Variants in TRAPPC13 observed in about 807,000 individuals in gnomAD.
The protein encoded by TRAPPC13 is trafficking protein particle complex subunit 13.
In TRAPPC13, 39 loss-of-function variants were observed where a neutral mutation model predicts 54.0. The ratio of observed to expected loss-of-function variants is 0.72; its 90% CI spans 0.56 to 0.94. The LOEUF (loss-of-function observed/expected upper bound fraction) is 0.94, where lower values mean the gene tolerates loss of function less well. Among genes scored for constraint, TRAPPC13 ranks in the 40% least tolerant of loss-of-function variants. TRAPPC13 has a pLI of 0.00. For synonymous variants in TRAPPC13, 148 were observed against 167.7 expected, an observed-to-expected ratio of 0.88 and a Z score of 0.91; for missense variants, 386 against 488.1, an observed-to-expected ratio of 0.79 and a Z score of 1.97.
At chr5:65,639,361 T>C (rs1394967178) in intron 4 of TRAPPC13, among the ~76,000 whole-genome samples, 1 of 149,208 alleles carries the variant, frequency 6.7e-6, no homozygotes, top group Admixed American at 6.6e-5. Flanking sequence ...AAAAATTAAT[T>C]AAGAAAAAAA....
At chr5:65,645,198 CAA>C (rs71610504) in intron 4 of TRAPPC13, among the ~76,000 whole-genome samples, 18 of 108,740 alleles carry the variant, frequency 1.7e-4, no homozygotes, top group Non-Finnish European at 1.1e-4. Flanking sequence ...AACTCTGTCT[CAA>C]AAAAAAAAAA....
chr5:65,637,120 A>G (rs1301595879), intron 3 of TRAPPC13, among the ~76,000 whole-genome samples: 2 of 152,228 alleles, frequency 1.3e-5, no homozygotes, highest in African/African-American at 2.4e-5. Flanking sequence ...TCTAATTTCA[A>G]TGAGTCTTAT....
In TRAPPC13 at chr5:65,660,740, A is replaced by G. The variant is rs1299581284; in HGVS notation, c.740A>G (p.Asp247Gly). The change falls in exon 10 of 13, where the codon GAT becomes GGT. Residue 247 changes from aspartate (D) to glycine (G), a missense_variant. Transcript: ENST00000399438. ...TCAAGAGCATATTTGCAACCAATGGATACACGCCAGTACTTATACTGCCTA... is the reference window on the plus strand; with the variant it reads ...TCAAGAGCATATTTGCAACCAATGGGTACACGCCAGTACTTATACTGCCTA... ...FGSRAYLQPM[D>G]TRQYLYCLKP... 4 of 1,612,674 alleles carry G rather than the reference A, an allele frequency of 2.5e-6. No homozygotes were observed. Among genetic ancestry groups the G allele is most frequent in the Non-Finnish European group, 3.4e-6 (4 of 1,179,268 alleles).
At chr5:65,646,921 A>G (rs1756232466) in intron 4 of TRAPPC13, 134 bp from the exon 5 acceptor site, 4 of 836,016 alleles carry the variant, frequency 4.8e-6, no homozygotes, top group East Asian at 2.7e-5. Flanking sequence ...AGGTTTACAC[A>G]TAAAAGTGTT....
intron 11 of TRAPPC13, chr5:65,663,666 GTTTT>G (rs1487698476): frequency 6.6e-6 from 1 of 152,104 alleles, no homozygotes; most frequent in Admixed American, 6.6e-5. Context: ...TTCATTAAAA[GTTTT>G]TTTAACTTAT....
chr5:65,655,745 GA>G (rs915818950), intron 8 of TRAPPC13, 92 bp downstream of exon 8: 1 of 427,008 alleles, frequency 2.3e-6, no homozygotes, highest in South Asian at 9.0e-5. Flanking sequence ...AAACATAGTG[GA>G]AAAACAGTTA....
intron 4 of TRAPPC13, among the ~76,000 whole-genome samples, chr5:65,640,388 G>C (rs1755919752): frequency 6.6e-6 from 1 of 152,060 alleles, no homozygotes; most frequent in Non-Finnish European, 1.5e-5. Flanking sequence ...AAACAAAAAA[G>C]AAATTCAAAT....
chr5:65,629,440 C>G, intron 1 of TRAPPC13: 1 of 1,394,770 alleles, frequency 7.2e-7, no homozygotes, highest in Middle Eastern at 2.5e-4. Context: ...CCTACCATAT[C>G]TTATTCTTTG....
At chr5:65,640,409 T>A (rs152070) in intron 4 of TRAPPC13, among the ~76,000 whole-genome samples, 90,537 of 151,950 alleles carry the variant, frequency 0.6, 27,340 homozygotes, top group South Asian at 0.64. Flanking sequence ...GTCAGTGTCC[T>A]TAAATAAAGC....
rs1304247724 is a variant in TRAPPC13, at chr5:65,655,242, C to T, written c.547-394C>T. Among the ~76,000 whole-genome samples, 8 of 152,070 alleles carry T rather than the reference C, an allele frequency of 5.3e-5. No homozygotes were observed. In the South Asian group the frequency reaches 6.2e-4, roughly 12 times the overall value. On this transcript the variant is annotated intron_variant, in intron 7 of 12. Transcript: ENST00000399438. ...TTACATAAATTTAAGAGAAGGTATA[C>T]GGTGTATATCTATTCTGAATGTGGA...
At chr5:65,648,394 GC>G (rs1756290803) in intron 5 of TRAPPC13, among the ~76,000 whole-genome samples, 1 of 151,154 alleles carries the variant, frequency 6.6e-6, no homozygotes, top group African/African-American at 2.4e-5. Context: ...CTTATTGAGT[GC>G]CTGTCCCTGC....
At chr5:65,631,031 G>GCTCACT (rs1315177399) in intron 1 of TRAPPC13, 2 of 152,140 alleles carry the variant, frequency 1.3e-5, no homozygotes, top group Non-Finnish European at 2.9e-5. Context: ...TCATAAAAAT[G>GCTCACT]CTCAAAGGGA....
At chr5:65,660,189 T>G (rs912698072) in intron 9 of TRAPPC13, among the ~76,000 whole-genome samples, 4 of 152,010 alleles carry the variant, frequency 2.6e-5, no homozygotes, top group Non-Finnish European at 5.9e-5. Context: ...GAATGGTATG[T>G]CTCTTATTAT....
intron 10 of TRAPPC13, chr5:65,661,813 T>G: frequency 2.7e-6 from 1 of 369,150 alleles, no homozygotes; most frequent in South Asian, 6.5e-5. Flanking sequence ...ATCTTAACTC[T>G]ACTGAACATG....
At chr5:65,641,646 G>A (rs1755967621) in intron 4 of TRAPPC13, among the ~76,000 whole-genome samples, 1 of 151,558 alleles carries the variant, frequency 6.6e-6, no homozygotes, top group Non-Finnish European at 1.5e-5. Context: ...ATGAATTCGA[G>A]GCTGCAGTGA....
intron 4 of TRAPPC13, among the ~76,000 whole-genome samples, chr5:65,638,832 C>T (rs1755861244): frequency 6.6e-6 from 1 of 152,170 alleles, no homozygotes. Flanking sequence ...GCCTGTAATC[C>T]TAGCACTTTG....
chr5:65,652,020 C>G (rs759805122), intron 6 of TRAPPC13, among the ~76,000 whole-genome samples: 3 of 151,806 alleles, frequency 2.0e-5, no homozygotes, highest in African/African-American at 7.3e-5. Context: ...CCCGCCACCA[C>G]GCCCAGTTAA....
chr5:65,655,678 T>G (rs183178145), intron 8 of TRAPPC13, 25 bp downstream of exon 8: 2 of 829,752 alleles, frequency 2.4e-6, no homozygotes, highest in East Asian at 7.0e-5. Flanking sequence ...TATTATAAAT[T>G]TTTATACTTT....
intron 6 of TRAPPC13, among the ~76,000 whole-genome samples, chr5:65,651,842 G>GTTTTTTTTGTTTTTTTTTTTTTTT (rs1756457486): frequency 4.9e-5 from 2 of 41,136 alleles, no homozygotes; most frequent in African/African-American, 1.9e-4. Flanking sequence ...ACGTGATTCA[G>GTTTTTTTTGTTTTTTTTTTTTTTT]TTTTTTTTTT....
Sources: allele counts gnomAD v4.1 joint callset (sites outside exome capture counted in the v4.1 genomes callset), GRCh38; gene constraint gnomAD v4.1.1; transcripts MANE v1.5; gene names NCBI Gene and HGNC (gene_info 2026-07-23, HGNC 2026-07-21).